The following GNAL variants were observed in gnomAD, a reference collection of about 807,000 sequenced individuals.
GNAL encodes G protein subunit alpha L.
In GNAL, 18 loss-of-function variants were observed where a neutral mutation model predicts 55.1. That is an observed-to-expected ratio of 0.33 (90% CI 0.23 to 0.48). The LOEUF is 0.48. Ranked by LOEUF, GNAL falls within the 20% of genes least tolerant of loss-of-function variation. GNAL has a pLI of 0.99. For missense variants in GNAL, 412 were observed against 614.1 expected (o/e 0.67, Z 3.48); for synonymous variants, 253 against 237.0 (o/e 1.07, Z -0.62).
chr18:11,765,795 TA>T (rs745457499), intron 4 of GNAL, among the ~76,000 whole-genome samples: 3 of 152,210 alleles, frequency 2.0e-5, no homozygotes, highest in Non-Finnish European at 4.4e-5. Context: ...CCATTTTTTT[TA>T]TTATTATTTC....
intron 10 of GNAL, among the ~76,000 whole-genome samples, chr18:11,873,794 C>T (rs533928315): frequency 8.5e-5 from 13 of 152,334 alleles, no homozygotes; most frequent in South Asian, 4.1e-4. Context: ...TTAATTCTCC[C>T]GCTAACCGCC....
At chr18:11,854,164 A>C (rs1351773249) in intron 5 of GNAL, 1 of 167,086 alleles carries the variant, frequency 6.0e-6, no homozygotes, top group Non-Finnish European at 1.5e-5. Flanking sequence ...TTACAACTTT[A>C]AAAATAGCTT....
At chr18:11,811,108 C>T (rs747180754) in intron 4 of GNAL, among the ~76,000 whole-genome samples, 2 of 152,140 alleles carry the variant, frequency 1.3e-5, no homozygotes, top group Non-Finnish European at 2.9e-5. Context: ...CATTGAAATC[C>T]GGGCCTTGCC....
At chr18:11,734,090 T>A (rs1332466901) in intron 1 of GNAL, among the ~76,000 whole-genome samples, 1 of 151,768 alleles carries the variant, frequency 6.6e-6, no homozygotes, top group Non-Finnish European at 1.5e-5. Flanking sequence ...AGAGGCTCGG[T>A]GGTTTCTCGA....
chr18:11,866,326 C>T lies in GNAL; in HGVS notation c.852-842C>T, dbSNP rs770427525. Among the ~76,000 whole-genome samples, 35 of 150,342 alleles carry T rather than the reference C, an allele frequency of 2.3e-4. 5 individuals are homozygous for T. Among genetic ancestry groups the T allele is most frequent in the Admixed American group, 4.6e-4 (7 of 15,244 alleles). ...ATTCTAATAGGATCAGCAACATACCCGCCCAGGACAAAAAAATCTAGCCCG... is the reference window on the plus strand; with the variant it reads ...ATTCTAATAGGATCAGCAACATACCTGCCCAGGACAAAAAAATCTAGCCCG... On this transcript the variant is annotated intron_variant, in intron 7 of 11. Coordinates refer to ENST00000334049, the MANE Select transcript of GNAL (RefSeq NM_182978.4).
chr18:11,795,339 C>T (rs571983949), intron 4 of GNAL, among the ~76,000 whole-genome samples: 34 of 147,384 alleles, frequency 2.3e-4, no homozygotes, highest in East Asian at 6.0e-4. Context: ...AGGTTGAGGA[C>T]GCAGTGAGCT....
At chr18:11,738,886 C>T (rs939955942) in intron 1 of GNAL, among the ~76,000 whole-genome samples, 1 of 152,122 alleles carries the variant, frequency 6.6e-6, no homozygotes, top group Non-Finnish European at 1.5e-5. Context: ...CCAGGCAGGA[C>T]GGCAGTGACC....
At chr18:11,732,455 A>AT (rs2032360731) in intron 1 of GNAL, among the ~76,000 whole-genome samples, 1 of 151,492 alleles carries the variant, frequency 6.6e-6, no homozygotes, top group South Asian at 2.1e-4. Flanking sequence ...CAAATTGGTT[A>AT]TTTGTATATC....
At chr18:11,774,338 A>T (rs1267666356) in intron 4 of GNAL, among the ~76,000 whole-genome samples, 1 of 152,204 alleles carries the variant, frequency 6.6e-6, no homozygotes, top group Admixed American at 6.5e-5. Flanking sequence ...AGAGTCAACA[A>T]ATACTATATT....
chr18:11,789,558 G>A (rs1350770357), intron 4 of GNAL, among the ~76,000 whole-genome samples: 1 of 152,184 alleles, frequency 6.6e-6, no homozygotes, highest in African/African-American at 2.4e-5. Flanking sequence ...ACTATATATA[G>A]ATAGGCAGAT....
In GNAL at chr18:11,884,732, G is replaced by T; in HGVS notation, c.*3597G>T. ...GACTGCCTTCTCAGGTCCCCCTCAG[G>T]TGAGGCAGGGAACGGGCCCTCCTCA... On this transcript the variant is annotated 3_prime_UTR_variant, in exon 12 of 12. Coordinates refer to ENST00000334049, the MANE Select transcript of GNAL (RefSeq NM_182978.4). The T allele has an allele frequency of 7.3e-7, 1 of 1,370,474 alleles. No homozygotes were observed. The highest frequency in any genetic ancestry group is 1.0e-6 in the Non-Finnish European group (1 of 1,001,104). 84.9% of individuals were successfully genotyped at this position (1,370,474 alleles called of 1,614,324 possible).
chr18:11,752,352 G>C lies in GNAL; in HGVS notation c.377-501G>C. The C allele has an allele frequency of 6.7e-7, 1 of 1,500,440 alleles. No homozygotes were observed. The highest frequency in any genetic ancestry group is 1.3e-5 in the South Asian group (1 of 74,220). The allele number at this position is 1,500,440 out of a possible 1,614,324, so 92.9% of individuals were successfully genotyped here. ...AGCAGCAGGAAAGAGAGGAGCCGTC[G>C]CAGGAGCCGCACACGTCTCCAACTC... On this transcript the variant is annotated intron_variant, in intron 1 of 11. Coordinates refer to ENST00000334049, the MANE Select transcript of GNAL (RefSeq NM_182978.4). The surrounding 1 kb of genome is among the most constrained non-coding windows in gnomAD (Gnocchi z 4.5).
At chr18:11,834,258 A>G (rs1477914563) in intron 5 of GNAL, among the ~76,000 whole-genome samples, 1 of 152,218 alleles carries the variant, frequency 6.6e-6, no homozygotes, top group Non-Finnish European at 1.5e-5. Context: ...GCTGGACTCA[A>G]CATCCAGCTT....
At position 11,883,883 on chromosome 18, in the gene GNAL, G is replaced by A. The variant is rs2036806616; in HGVS notation, c.*2748G>A. The A allele has an allele frequency of 6.6e-6, 1 of 152,186 alleles. No individual in the cohort carries two copies. The highest frequency in any genetic ancestry group is 2.4e-5 in the African/African-American group (1 of 41,374). The allele number at this position is 152,186 out of a possible 1,614,324, so 9.4% of individuals were successfully genotyped here. On this transcript the variant is annotated 3_prime_UTR_variant, in exon 12 of 12. Transcript: ENST00000334049. ...TTTTTGTATTTCTAGCGGAGACGAG[G>A]TTTCACCATGTTGGCCAGGCTGGTC...
chr18:11,856,098 C>A (rs932343957), intron 5 of GNAL, among the ~76,000 whole-genome samples: 1 of 151,388 alleles, frequency 6.6e-6, no homozygotes, highest in African/African-American at 2.5e-5. Context: ...TCTGCAAAAA[C>A]ACAACATCCT....
chr18:11,880,557 A>G (rs916870879), intron 11 of GNAL, among the ~76,000 whole-genome samples: 6 of 152,226 alleles, frequency 3.9e-5, no homozygotes, highest in African/African-American at 1.4e-4. Flanking sequence ...CCTGGGCAAC[A>G]GAGCTAGACT....
chr18:11,743,335 C>G (rs2032620145), intron 1 of GNAL, among the ~76,000 whole-genome samples: 1 of 150,692 alleles, frequency 6.6e-6, no homozygotes, highest in Non-Finnish European at 1.5e-5. Flanking sequence ...AAAAAACCAC[C>G]ACTGTTAGGC....
chr18:11,785,442 G>C (rs1162281446), intron 4 of GNAL, among the ~76,000 whole-genome samples: 1 of 152,164 alleles, frequency 6.6e-6, no homozygotes, highest in Non-Finnish European at 1.5e-5. Context: ...CTGGAACAAG[G>C]AGAAGAAAGG....
rs545208625 is a variant in GNAL, at chr18:11,884,277, C to A, written c.*3142C>A. 2.8e-5 allele frequency: 18 copies of A among 650,500 alleles called. No homozygotes were observed. Among genetic ancestry groups the A allele is most frequent in the Middle Eastern group, 4.3e-4 (1 of 2,320 alleles). 40.3% of individuals were successfully genotyped at this position (650,500 alleles called of 1,614,324 possible). A position where few individuals can be genotyped will look rare whatever the true frequency, so the allele number is the denominator to read the frequency against. ...CCTGTCCACTTTTATAGCATGAGAA[C>A]AGTACAATCAACTATTTATTTTGCA... On this transcript the variant is annotated 3_prime_UTR_variant, in exon 12 of 12. Coordinates refer to ENST00000334049, the MANE Select transcript of GNAL (RefSeq NM_182978.4).
Sources: allele counts gnomAD v4.1 joint callset (sites outside exome capture counted in the v4.1 genomes callset), GRCh38; gene constraint gnomAD v4.1.1; non-coding constraint Gnocchi (gnomAD v3.1); transcripts MANE v1.5; gene names NCBI Gene and HGNC (gene_info 2026-07-23, HGNC 2026-07-21).